The following DHX15 variants were observed in gnomAD, a reference collection of about 807,000 sequenced individuals.
DHX15 encodes the protein DEAH-box helicase 15, also known as ATP-dependent RNA helicase DHX15.
DHX15 carries 11 observed loss-of-function variants against 94.4 expected under a neutral mutation model. That is an observed-to-expected ratio of 0.12 (90% CI 0.07 to 0.19). The LOEUF is 0.19. Among genes scored for constraint, DHX15 ranks in the 10% least tolerant of loss-of-function variants. The pLI is 1.00. For synonymous variants in DHX15, 338 were observed against 329.9 expected (o/e 1.02, Z -0.27); for missense variants, 304 against 988.5 (o/e 0.31, Z 9.29).
Position 24,572,117 on chromosome 4 carries a change from A to T in DHX15, c.508-1270T>A, listed in dbSNP as rs570268849. The stretch of plus-strand genomic sequence containing the variant: ...ATTTAAAATTAATTCAAAATTCTCA[A>T]GGCAAGAATGTTCAGATCTTTTGTT... On this transcript the variant is annotated intron_variant, in intron 2 of 13. Coordinates refer to ENST00000336812, the MANE Select transcript of DHX15 (RefSeq NM_001358.3). Among the ~76,000 whole-genome samples the T allele has an allele frequency of 2.6e-5, 4 of 152,282 alleles. No individual in the cohort carries two copies. The South Asian group carries it at 8.3e-4, about 32-fold the overall frequency.
intron 3 of DHX15, among the ~76,000 whole-genome samples, chr4:24,557,963 C>T (rs1407127272): frequency 7.1e-6 from 1 of 140,092 alleles, no homozygotes; most frequent in African/African-American, 2.6e-5. Flanking sequence ...ATAGAGCGGT[C>T]TGTTGATTTG....
chr4:24,569,094 C>T (rs1329684483), intron 3 of DHX15, among the ~76,000 whole-genome samples: 1 of 151,968 alleles, frequency 6.6e-6, no homozygotes, highest in Non-Finnish European at 1.5e-5. Context: ...TATTTTGATC[C>T]AATAAATTGT....
At chr4:24,560,184 C>T (rs1577344156) in intron 3 of DHX15, among the ~76,000 whole-genome samples, 2 of 151,880 alleles carry the variant, frequency 1.3e-5, no homozygotes. Flanking sequence ...TAAAACATTA[C>T]ATCCTGCAAA....
chr4:24,566,472 C>T (rs1721995268), intron 3 of DHX15, among the ~76,000 whole-genome samples: 1 of 152,292 alleles, frequency 6.6e-6, no homozygotes, highest in African/African-American at 2.4e-5. Context: ...CCCTGTAATT[C>T]CCTATCCCAT....
chr4:24,551,307 C>A (rs1285350161), intron 5 of DHX15, among the ~76,000 whole-genome samples: 1 of 150,770 alleles, frequency 6.6e-6, no homozygotes, highest in East Asian at 1.9e-4. Context: ...CAACAAAGTG[C>A]GTGTTTTTTT....
intron 8 of DHX15, among the ~76,000 whole-genome samples, chr4:24,541,154 C>T (rs1721299236): frequency 6.6e-6 from 1 of 152,078 alleles, no homozygotes; most frequent in Non-Finnish European, 1.5e-5. Flanking sequence ...TGCTACTGTC[C>T]ATAAAACTCG....
intron 5 of DHX15, among the ~76,000 whole-genome samples, chr4:24,554,415 CTG>C: frequency 6.6e-6 from 1 of 152,330 alleles, no homozygotes; most frequent in Non-Finnish European, 1.5e-5. Flanking sequence ...TTCAAAGCAG[CTG>C]TGATGCACAT....
chr4:24,533,872 A>G (rs1156912875), intron 11 of DHX15: 1 of 152,218 alleles, frequency 6.6e-6, no homozygotes, highest in Non-Finnish European at 1.5e-5. Context: ...TGGGAGAGAG[A>G]AAACAAAAAT....
intron 3 of DHX15, among the ~76,000 whole-genome samples, chr4:24,559,668 A>T (rs1721820566): frequency 6.6e-6 from 1 of 152,154 alleles, no homozygotes; most frequent in South Asian, 2.1e-4. Flanking sequence ...GGATAGCCAA[A>T]CTCCACACTT....
At chr4:24,540,623 AC>A (rs1264147875) in intron 9 of DHX15, among the ~76,000 whole-genome samples, 1 of 144,640 alleles carries the variant, frequency 6.9e-6, no homozygotes, top group Admixed American at 6.9e-5. Context: ...ATTTACCCAA[AC>A]CCCCCCATAA....
intron 1 of DHX15, among the ~76,000 whole-genome samples, chr4:24,580,424 C>A (rs1170043207): frequency 6.6e-6 from 1 of 151,726 alleles, no homozygotes; most frequent in African/African-American, 2.4e-5. Flanking sequence ...TAAAAAAATT[C>A]TACATGGAAT....
intron 12 of DHX15, chr4:24,530,521 G>C (rs1721056941): frequency 6.6e-6 from 1 of 152,196 alleles, no homozygotes; most frequent in Admixed American, 6.5e-5. Flanking sequence ...AGGTTGCAGT[G>C]AGCTGAGATC....
At chr4:24,530,997 A>AGGAC (rs1721072785) in intron 12 of DHX15, 1 of 152,224 alleles carries the variant, frequency 6.6e-6, no homozygotes, top group South Asian at 2.1e-4. Context: ...TCTAGTAGCT[A>AGGAC]GGACTACAAG....
At chr4:24,557,286 C>T (rs1352193302) in intron 3 of DHX15, among the ~76,000 whole-genome samples, 1 of 152,164 alleles carries the variant, frequency 6.6e-6, no homozygotes, top group Non-Finnish European at 1.5e-5. Context: ...GGACAAAACA[C>T]AGGATGCCTT....
At chr4:24,562,570 CACTA>C (rs1156354147) in intron 3 of DHX15, among the ~76,000 whole-genome samples, 2 of 152,180 alleles carry the variant, frequency 1.3e-5, no homozygotes, top group African/African-American at 4.8e-5. Flanking sequence ...GTCCTCAGTA[CACTA>C]ACTGCCTGGC....
At position 24,576,463 on chromosome 4, in the gene DHX15, T is replaced by G. The variant is rs1722269243; in HGVS notation, c.287A>C (p.His96Pro). ...TCCGGCATGCGTTGAATGAGCAGAA[T>G]GTGTTGAATGCGTTGAATGTGCTGA... ...THSAHSTHST[H>P]SAHSTHAGHA... The change falls in exon 2 of 14, where the codon CAT becomes CCT. Residue 96 changes from histidine to proline, a missense_variant. His to Pro is a moderately conservative substitution (Grantham distance 77, BLOSUM62 -2). Coordinates refer to ENST00000336812, the MANE Select transcript of DHX15 (RefSeq NM_001358.3). 5.6e-6 allele frequency: 9 copies of G among 1,614,026 alleles called. No homozygotes were observed. Among genetic ancestry groups the G allele is most frequent in the Non-Finnish European group, 6.8e-6 (8 of 1,180,018 alleles).
chr4:24,532,840 T>C (rs1721114479), intron 12 of DHX15, 24 bp downstream of exon 12: 1 of 1,519,554 alleles, frequency 6.6e-7, no homozygotes, highest in Non-Finnish European at 8.9e-7. Flanking sequence ...TACTTAGTTA[T>C]TCATTCCCAT....
intron 11 of DHX15, chr4:24,533,386 T>C: frequency 2.8e-6 from 1 of 351,576 alleles, no homozygotes; most frequent in East Asian, 6.4e-5. Context: ...CTGGAAGTAT[T>C]TGGTAAAAGT....
chr4:24,584,552 G>T lies in DHX15; in HGVS notation c.-159C>A. 1 of 694,816 alleles carries T rather than the reference G, an allele frequency of 1.4e-6. No homozygotes were observed. The highest frequency in any genetic ancestry group is 2.2e-6 in the Non-Finnish European group (1 of 445,984). The allele number at this position is 694,816 out of a possible 1,614,324, so 43.0% of individuals were successfully genotyped here. ...CAACAGCTAAAATGGCGGCGGCGAC[G>T]AGGGCTGGGCCTGCGCGCGCGCGCG... On this transcript the variant is annotated 5_prime_UTR_variant, in exon 1 of 14. Transcript: ENST00000336812.
Sources: gnomAD v4.1 joint callset for allele counts (sites outside exome capture counted in the v4.1 genomes callset) on GRCh38, gnomAD v4.1.1 for gene constraint, MANE v1.5 for transcripts, NCBI Gene and HGNC (gene_info 2026-07-23, HGNC 2026-07-21) for gene names.